GABRB3: variants seen among roughly 807,000 people sequenced by gnomAD.
The protein encoded by GABRB3 is gamma-aminobutyric acid type A receptor subunit beta3, also known as gamma-aminobutyric acid receptor subunit beta-3.
Under a neutral mutation model 52.1 loss-of-function variants are expected in GABRB3, and 14 were observed. The observed-to-expected ratio is 0.27, with a 90% CI of 0.18 to 0.42. The LOEUF (loss-of-function observed/expected upper bound fraction) is 0.42. GABRB3 is among the 10% of genes least tolerant of loss of function. The probability of loss-of-function intolerance (pLI) is 1.00; values close to 1 mark genes in which losing one functional copy is unlikely to be tolerated. For synonymous variants in GABRB3, 260 were observed against 232.3 expected (o/e 1.12, Z -1.08); for missense variants, 307 against 609.1 (o/e 0.50, Z 5.22).
intron 4 of GABRB3, 76 bp from the exon 5 acceptor site, chr15:26,583,490 G>T: frequency 8.1e-7 from 1 of 1,237,392 alleles, no homozygotes; most frequent in South Asian, 1.2e-5. Context: ...TTAGATAAAC[G>T]AGTAAGCCCC....
chr15:26,672,369 G>T (rs1199427004), intron 3 of GABRB3, among the ~76,000 whole-genome samples: 2 of 152,058 alleles, frequency 1.3e-5, no homozygotes, highest in African/African-American at 4.8e-5. Flanking sequence ...ATCGTCACAA[G>T]CCACCACATG....
At chr15:26,739,281 C>G (rs930499360) in intron 3 of GABRB3, among the ~76,000 whole-genome samples, 1 of 152,032 alleles carries the variant, frequency 6.6e-6, no homozygotes, top group African/African-American at 2.4e-5. Context: ...ACAACAGCGA[C>G]GCTTGGCCAA....
intron 5 of GABRB3, chr15:26,580,723 G>GT (rs1890758815): frequency 1.9e-6 from 1 of 525,844 alleles, no homozygotes; most frequent in Non-Finnish European, 3.5e-6. Context: ...TTTGCGAAGT[G>GT]TAACTTCAGA....
intron 3 of GABRB3, among the ~76,000 whole-genome samples, chr15:26,630,567 G>C (rs1258384324): frequency 6.6e-6 from 1 of 152,168 alleles, no homozygotes; most frequent in Non-Finnish European, 1.5e-5. Context: ...AGAAATATTC[G>C]AGTAAGAGTT....
chr15:26,577,465 A>G (rs1040532792), intron 6 of GABRB3, among the ~76,000 whole-genome samples: 7 of 152,130 alleles, frequency 4.6e-5, no homozygotes, highest in African/African-American at 1.7e-4. Context: ...GTGAGAGGAA[A>G]TCGTGCCACT....
chr15:26,721,112 C>T (rs968795532), intron 3 of GABRB3, among the ~76,000 whole-genome samples: 11 of 152,070 alleles, frequency 7.2e-5, no homozygotes, highest in African/African-American at 2.4e-5. Context: ...GTGGATGCTC[C>T]GGCTGTGGGA....
In GABRB3 at chr15:26,613,960, G is replaced by C. The variant is rs1476108257; in HGVS notation, c.461+7354C>G. The C allele has an allele frequency of 4.6e-5, 7 of 152,324 alleles. 1 individual carries two copies. Among genetic ancestry groups the C allele is most frequent in the South Asian group, 4.1e-4 (2 of 4,826 alleles). The allele number at this position is 152,324 out of a possible 1,614,324, so 9.4% of individuals were successfully genotyped here. Reference sequence around the variant, plus strand: ...CATATACAGCAAGGGCATGTGCAAAGGCCCTAGGACAGGGGCATGCCTGAT... The same window carrying C: ...CATATACAGCAAGGGCATGTGCAAACGCCCTAGGACAGGGGCATGCCTGAT... On this transcript the variant is annotated intron_variant, in intron 4 of 8. Transcript: ENST00000311550.
At chr15:26,580,270 C>A (rs755511786) in intron 6 of GABRB3, 49 bp downstream of exon 6, 30 of 1,611,926 alleles carry the variant, frequency 1.9e-5, no homozygotes, top group Non-Finnish European at 2.4e-5. Flanking sequence ...CCAGTCACGC[C>A]CATGGAGCCA....
rs13379558 is a variant in GABRB3, at chr15:26,567,387, G to A, written c.835+194C>T. On this transcript the variant is annotated intron_variant, in intron 7 of 8. Transcript: ENST00000311550. ...TTCATGGGCATGAAAATTCACATTT[G>A]AGCCTTGTAATTAAATTAACACATC... Among the ~76,000 whole-genome samples the A allele has an allele frequency of 0.025, 3,871 of 152,164 alleles. 182 individuals carry two copies. The highest frequency in any genetic ancestry group is 0.089 in the African/African-American group (3,691 of 41,506).
chr15:26,636,996 G>C (rs1893079796), intron 3 of GABRB3, among the ~76,000 whole-genome samples: 1 of 152,084 alleles, frequency 6.6e-6, no homozygotes, highest in Non-Finnish European at 1.5e-5. Context: ...TGTTCCCATT[G>C]GAGCAACCAG....
At chr15:26,558,938 A>G (rs2140674571) in intron 8 of GABRB3, among the ~76,000 whole-genome samples, 3 of 152,336 alleles carry the variant, frequency 2.0e-5, no homozygotes, top group Admixed American at 2.0e-4. Flanking sequence ...TACAGGAAGC[A>G]TGGTGCTGGC....
At chr15:26,577,562 G>C (rs1218407221) in intron 6 of GABRB3, among the ~76,000 whole-genome samples, 1 of 152,222 alleles carries the variant, frequency 6.6e-6, no homozygotes, top group East Asian at 1.9e-4. Flanking sequence ...TAATCACAGA[G>C]AAAGCTGCAA....
chr15:26,684,429 C>T (rs1447953780), intron 3 of GABRB3, among the ~76,000 whole-genome samples: 1 of 152,130 alleles, frequency 6.6e-6, no homozygotes, highest in Non-Finnish European at 1.5e-5. Context: ...AAAAACGCAC[C>T]AGAGTGCACC....
At chr15:26,575,968 A>G (rs1416336998) in intron 6 of GABRB3, among the ~76,000 whole-genome samples, 1 of 152,222 alleles carries the variant, frequency 6.6e-6, no homozygotes, top group Non-Finnish European at 1.5e-5. Context: ...TTCCGTTCAA[A>G]GACAACTCTA....
intron 3 of GABRB3, among the ~76,000 whole-genome samples, chr15:26,676,097 G>A (rs1888060078): frequency 6.6e-6 from 1 of 152,170 alleles, no homozygotes; most frequent in Admixed American, 6.5e-5. Flanking sequence ...TGCTTAAGGA[G>A]TCACCACTAG....
At chr15:26,606,805 TATAGATAG>T (rs59223052) in intron 4 of GABRB3, among the ~76,000 whole-genome samples, 10 of 117,950 alleles carry the variant, frequency 8.5e-5, no homozygotes, top group African/African-American at 2.8e-4. Context: ...TAGATATATC[TATAGATAG>T]ATAGATAGAT....
chr15:26,660,327 T>C (rs184578024), intron 3 of GABRB3, among the ~76,000 whole-genome samples: 191 of 152,274 alleles, frequency 1.3e-3, no homozygotes, highest in African/African-American at 4.4e-3. Flanking sequence ...GCTATTTCCA[T>C]AGCAACCGAA....
intron 8 of GABRB3, among the ~76,000 whole-genome samples, chr15:26,559,841 C>A (rs1889913187): frequency 6.6e-6 from 1 of 152,118 alleles, no homozygotes; most frequent in Non-Finnish European, 1.5e-5. Flanking sequence ...TTTTGCAGAA[C>A]ACAACCGGGA....
chr15:26,606,804 CTATAGATAGATAGATA>C (rs1176932139), intron 4 of GABRB3, among the ~76,000 whole-genome samples: 4 of 42,770 alleles, frequency 9.4e-5, no homozygotes, highest in Admixed American at 2.4e-4. Flanking sequence ...ATAGATATAT[CTATAGATAGATAGATA>C]GATAGATAGA....
Sources: allele counts gnomAD v4.1 joint callset (sites outside exome capture counted in the v4.1 genomes callset), GRCh38; gene constraint gnomAD v4.1.1; transcripts MANE v1.5; gene names NCBI Gene and HGNC (gene_info 2026-07-23, HGNC 2026-07-21).